Variants in DMD observed in about 807,000 individuals in gnomAD.
DMD encodes dystrophin.
Under a neutral mutation model 330.1 loss-of-function variants are expected in DMD, and 63 were observed. That is an observed-to-expected ratio of 0.19 (90% CI 0.16 to 0.24). The LOEUF (loss-of-function observed/expected upper bound fraction) is 0.24, where lower values mean the gene tolerates loss of function less well. DMD is among the 10% of genes least tolerant of loss of function. DMD has a pLI of 1.00. For missense variants in DMD, 3,344 were observed against 2,684.1 expected (o/e 1.25, Z -5.43); for synonymous variants, 1,223 against 959.8 (o/e 1.27, Z -5.07).
intron 1 of DMD, among the ~76,000 whole-genome samples, chrX:33,314,768 C>T (rs951202896): frequency 1.8e-5 from 2 of 108,880 alleles, no homozygotes; most frequent in African/African-American, 6.7e-5. Context: ...TCACATTACT[C>T]TGACACACTG....
At chrX:33,030,440 G>C (rs928540013) in intron 1 of DMD, among the ~76,000 whole-genome samples, 1 of 111,724 alleles carries the variant, frequency 9.0e-6, no homozygotes, top group African/African-American at 3.3e-5. Flanking sequence ...ATATTTCTGT[G>C]GTGCATTATA....
intron 45 of DMD, among the ~76,000 whole-genome samples, chrX:31,936,508 G>T (rs2094926710): frequency 9.0e-6 from 1 of 111,590 alleles, no homozygotes; most frequent in Non-Finnish European, 1.9e-5. Context: ...CATTTATTTA[G>T]TTTCCACTGT....
intron 52 of DMD, among the ~76,000 whole-genome samples, chrX:31,728,543 A>T (rs1655202975): frequency 8.9e-6 from 1 of 112,024 alleles, no homozygotes; most frequent in Admixed American, 9.5e-5. Context: ...AATATTTTAA[A>T]ATATTAACCT....
intron 29 of DMD, among the ~76,000 whole-genome samples, chrX:32,424,838 C>T (rs193257959): frequency 1.9e-3 from 209 of 109,208 alleles, no homozygotes; most frequent in African/African-American, 6.2e-3. Context: ...GACATACTGG[C>T]GGTAACCAGA....
At chrX:32,408,882 A>ATCTG (rs1344894617) in intron 30 of DMD, among the ~76,000 whole-genome samples, 1 of 105,744 alleles carries the variant, frequency 9.5e-6, no homozygotes, top group Non-Finnish European at 2.0e-5. Flanking sequence ...CTATCTATCT[A>ATCTG]TCTATCTATC....
chrX:32,972,073 G>A (rs2092401557), intron 2 of DMD, among the ~76,000 whole-genome samples: 1 of 111,988 alleles, frequency 8.9e-6, no homozygotes, highest in Non-Finnish European at 1.9e-5. Flanking sequence ...GTTTGCTACA[G>A]ATACAATACA....
intron 25 of DMD, among the ~76,000 whole-genome samples, chrX:32,456,958 TAAAA>T (rs59677275): frequency 3.2e-3 from 258 of 80,046 alleles, no homozygotes; most frequent in African/African-American, 9.5e-3. Context: ...TCCAGATTGT[TAAAA>T]AAAAAAAAAA....
Position 32,497,324 on chromosome X carries a change from G to C in DMD, c.2380+4431C>G, listed in dbSNP as rs1161793106. On this transcript the variant is annotated intron_variant, in intron 19 of 78. Coordinates refer to ENST00000357033, the MANE Select transcript of DMD (RefSeq NM_004006.3). Reference sequence around the variant, plus strand: ...CTTAAACACTATAATCTAGCACTCAGGGAATGATAGTTTTGAGATGTTCTT... The same window carrying C: ...CTTAAACACTATAATCTAGCACTCACGGAATGATAGTTTTGAGATGTTCTT... 2.7e-5 allele frequency among the ~76,000 whole-genome samples: 3 copies of C among 111,984 alleles called. No homozygotes were observed. The East Asian group carries it at 8.4e-4, about 31-fold the overall frequency.
At chrX:31,978,602 T>C (rs2095453926) in intron 44 of DMD, among the ~76,000 whole-genome samples, 1 of 111,862 alleles carries the variant, frequency 8.9e-6, no homozygotes, top group South Asian at 3.7e-4. Flanking sequence ...CAGAACCTCA[T>C]AGCATCCCTG....
intron 44 of DMD, among the ~76,000 whole-genome samples, chrX:32,111,992 A>G (rs950839116): frequency 4.5e-5 from 5 of 112,035 alleles, no homozygotes; most frequent in Non-Finnish European, 9.4e-5. Context: ...TCTGCAAACA[A>G]ATTTCAGATA....
At position 32,748,815 on chromosome X, in the gene DMD, C is replaced by A. The variant is rs1210852755; in HGVS notation, c.650-49522G>T. On this transcript the variant is annotated intron_variant, in intron 7 of 78. Coordinates refer to ENST00000357033, the MANE Select transcript of DMD (RefSeq NM_004006.3). ...ATTCTGTGATGTAAAAAGACTGTGT[C>A]ATCAGTCATTGCAGAGAACCAGGCA... Among the ~76,000 whole-genome samples, 7 of 112,475 alleles carry A rather than the reference C, an allele frequency of 6.2e-5. 1 individual carries two copies. The highest frequency in any genetic ancestry group is 5.6e-4 in the Admixed American group (6 of 10,625).
chrX:33,228,699 A>T (rs2052335677), intron 1 of DMD, among the ~76,000 whole-genome samples: 2 of 107,422 alleles, frequency 1.9e-5, no homozygotes, highest in South Asian at 3.9e-4. Flanking sequence ...ATTTAAAAAA[A>T]TTTTTCTTCA....
rs2050067540 is a variant in DMD, at chrX:32,554,897, GAAAGAAAGAAAGAAAGAAAGAAAGAAA to G, written c.1993-9590_1993-9564del. Among the ~76,000 whole-genome samples the G allele has an allele frequency of 8.4e-5, 2 of 23,903 alleles. 1 individual carries two copies. The highest frequency in any genetic ancestry group is 1.3e-4 in the Non-Finnish European group (2 of 15,968). 20.8% of individuals were successfully genotyped at this position (23,903 alleles called of 115,157 possible). A position where few individuals can be genotyped will look rare whatever the true frequency, so the allele number is the denominator to read the frequency against. Reference sequence around the variant, plus strand: ...AGGAAAGAAGAAAGAAAGAAAGAAAGAAAGAAAGAAAGAAAGAAAGAAAGAAAGAAAGAAAGAAAGAAAGAGAGAGAG... The same window carrying G: ...AGGAAAGAAGAAAGAAAGAAAGAAAGGAAAGAAAGAAAGAAAGAGAGAGAG... On this transcript the variant is annotated intron_variant, in intron 16 of 78. Coordinates refer to ENST00000357033, the MANE Select transcript of DMD (RefSeq NM_004006.3).
intron 60 of DMD, among the ~76,000 whole-genome samples, chrX:31,440,363 G>A (rs950117263): frequency 9.0e-5 from 10 of 110,526 alleles, no homozygotes; most frequent in African/African-American, 2.6e-4. Context: ...TGGCCAGGCC[G>A]GTCTTGAACT....
At position 31,449,783 on chromosome X, in the gene DMD, T is replaced by TAGATAGATAG. The variant is rs1270288954; in HGVS notation, c.8938-5157_8938-5156insCTATCTATCT. Reference sequence around the variant, plus strand: ...GGTGTGATATATATATATATATATATATATATATATATATAGATAGATAGA... The same window carrying TAGATAGATAG: ...GGTGTGATATATATATATATATATATAGATAGATAGATATATATATATATAGATAGATAGA... On this transcript the variant is annotated intron_variant, in intron 59 of 78. Coordinates refer to ENST00000357033, the MANE Select transcript of DMD (RefSeq NM_004006.3). Among the ~76,000 whole-genome samples the TAGATAGATAG allele has an allele frequency of 7.1e-3, 642 of 90,923 alleles. 4 individuals are homozygous for TAGATAGATAG. Among genetic ancestry groups the TAGATAGATAG allele is most frequent in the Middle Eastern group, 0.021 (4 of 187 alleles). The allele number at this position is 90,923 out of a possible 115,157, so 79.0% of individuals were successfully genotyped here.
intron 9 of DMD, among the ~76,000 whole-genome samples, chrX:32,679,299 CTAGAAAAACAA>C (rs2062195730): frequency 9.2e-6 from 1 of 109,101 alleles, no homozygotes; most frequent in Non-Finnish European, 1.9e-5. Context: ...AAAATAGAAA[CTAGAAAAACAA>C]TAGAAAATAG....
At chrX:31,575,873 T>C (rs2076071547) in intron 55 of DMD, among the ~76,000 whole-genome samples, 1 of 112,263 alleles carries the variant, frequency 8.9e-6, no homozygotes, top group African/African-American at 3.2e-5. Context: ...AACATTCACT[T>C]ACTAATTCAA....
chrX:32,364,329 A>G (rs994546140), intron 36 of DMD, among the ~76,000 whole-genome samples: 1 of 112,257 alleles, frequency 8.9e-6, no homozygotes, highest in African/African-American at 3.2e-5. Context: ...AAATCTTGGA[A>G]TATCTTTCTG....
intron 44 of DMD, among the ~76,000 whole-genome samples, chrX:32,053,712 G>T (rs1224142748): frequency 9.0e-6 from 1 of 111,348 alleles, no homozygotes; most frequent in Non-Finnish European, 1.9e-5. Context: ...ACCCGTTAAG[G>T]TTGGTTCTAA....
Sources: allele counts gnomAD v4.1 joint callset (sites outside exome capture counted in the v4.1 genomes callset), GRCh38; gene constraint gnomAD v4.1.1; transcripts MANE v1.5; gene names NCBI Gene and HGNC (gene_info 2026-07-23, HGNC 2026-07-21).